AFF3: variants seen among roughly 807,000 people sequenced by gnomAD.
AFF3 encodes the protein ALF transcription elongation factor 3.
A neutral mutation model predicts 129.7 loss-of-function variants in AFF3; 32 were observed. The observed-to-expected ratio is 0.25, with a 90% CI of 0.19 to 0.33. AFF3 has a LOEUF of 0.33. AFF3 is among the 10% of genes least tolerant of loss of function. The pLI, the probability that AFF3 is intolerant of heterozygous loss-of-function variation, is 1.00. For synonymous variants in AFF3, 644 were observed against 635.4 expected (o/e 1.01, Z -0.20); for missense variants, 1,373 against 1,592.0 (o/e 0.86, Z 2.34).
At chr2:99,868,017 CTT>C (rs397779127) in intron 7 of AFF3, among the ~76,000 whole-genome samples, 12 of 144,036 alleles carry the variant, frequency 8.3e-5, no homozygotes, top group South Asian at 2.2e-4. Context: ...TCTTTCTTTC[CTT>C]TTTTTTTTTT....
intron 22 of AFF3, among the ~76,000 whole-genome samples, chr2:99,556,585 G>A (rs535860805): frequency 6.6e-6 from 1 of 152,088 alleles, no homozygotes; most frequent in East Asian, 1.9e-4. Context: ...AATTGTCTTG[G>A]GTACCTAAAG....
intron 4 of AFF3, among the ~76,000 whole-genome samples, chr2:100,071,945 A>T (rs1418452959): frequency 1.3e-5 from 2 of 152,178 alleles, no homozygotes; most frequent in Admixed American, 1.3e-4. Flanking sequence ...AGCATTTATC[A>T]TGTATTTTTA....
At chr2:99,907,947 G>C (rs1694834644) in intron 7 of AFF3, among the ~76,000 whole-genome samples, 1 of 152,082 alleles carries the variant, frequency 6.6e-6, no homozygotes, top group South Asian at 2.1e-4. Flanking sequence ...GTCTTGATTC[G>C]AGTGAATGAG....
chr2:100,053,281 G>C (rs1008067891), intron 4 of AFF3, among the ~76,000 whole-genome samples: 1 of 152,236 alleles, frequency 6.6e-6, no homozygotes, highest in African/African-American at 2.4e-5. Context: ...TCTGCTGTTT[G>C]ACAGTACCCG....
chr2:99,795,174 A>AAC (rs1044444605), intron 8 of AFF3, among the ~76,000 whole-genome samples: 26 of 151,644 alleles, frequency 1.7e-4, no homozygotes, highest in Admixed American at 6.6e-4. Context: ...TGTGCATATA[A>AAC]ACACACACAC....
chr2:99,707,164 A>T, intron 11 of AFF3: 1 of 985,450 alleles, frequency 1.0e-6, no homozygotes, highest in Non-Finnish European at 1.2e-6. Context: ...ACTTGCCTGT[A>T]ACAACATCCT....
At chr2:99,880,382 G>A (rs1054037916) in intron 7 of AFF3, among the ~76,000 whole-genome samples, 33 of 152,110 alleles carry the variant, frequency 2.2e-4, no homozygotes, top group African/African-American at 5.1e-4. Context: ...CTGATTCAGC[G>A]GCAGAGCTGT....
At chr2:99,621,198 G>C (rs1575527463) in intron 13 of AFF3, among the ~76,000 whole-genome samples, 1 of 152,208 alleles carries the variant, frequency 6.6e-6, no homozygotes, top group African/African-American at 2.4e-5. Context: ...GAAAAGACCA[G>C]AGAACCCTGG....
intron 7 of AFF3, among the ~76,000 whole-genome samples, chr2:99,949,819 G>A (rs572014665): frequency 5.3e-5 from 8 of 152,138 alleles, no homozygotes; most frequent in Admixed American, 1.3e-4. Flanking sequence ...GACCAGTAGC[G>A]GTCCGTGGCC....
rs769060903 is a variant in AFF3, at chr2:99,744,119, C to T, written c.1024G>A (p.Gly342Arg). Residue 342 changes from glycine to arginine, a missense_variant, in exon 10 of 25, where the codon GGA (glycine) becomes AGA (arginine). By Grantham distance (125) the Gly-to-Arg change is moderately radical. Around this residue, in one of 9 missense-constraint regions of AFF3, gnomAD observed 413 missense variants for 424.4 expected, o/e 0.97. Coordinates refer to ENST00000672756, the MANE Select transcript of AFF3 (RefSeq NM_001386135.1). Reference protein sequence around the residue: ...PNKDSQLVSSGHNNPKKGDAE... With the variant: ...PNKDSQLVSSRHNNPKKGDAE... ...TCTTTCTTACTTGGATTATTGTGTC[C>T]AGAGGATACAAGCTGAGAGTCCTGA... 6 of 1,607,554 alleles carry T rather than the reference C, an allele frequency of 3.7e-6. No individual in the cohort carries two copies. In the African/African-American group the frequency reaches 8.1e-5, roughly 22 times the overall value.
intron 8 of AFF3, among the ~76,000 whole-genome samples, chr2:99,773,320 C>A (rs1053848743): frequency 4.6e-5 from 7 of 152,188 alleles, no homozygotes; most frequent in Non-Finnish European, 1.0e-4. Flanking sequence ...ACAAAATGAG[C>A]AAATGGTTAC....
At chr2:99,746,254 T>C (rs114065019) in intron 9 of AFF3, among the ~76,000 whole-genome samples, 101 of 152,180 alleles carry the variant, frequency 6.6e-4, no homozygotes, top group African/African-American at 1.9e-3. Flanking sequence ...CAAAAATCCA[T>C]TGAAATTGAA....
intron 3 of AFF3, chr2:100,104,826 GTGCTCTGCGCC>G (rs1691137021): frequency 1.3e-5 from 8 of 626,828 alleles, no homozygotes; most frequent in Non-Finnish European, 1.4e-5. Context: ...CGCCGCCGCG[GTGCTCTGCGCC>G]CGCCCGCCCG....
rs561356286 is a variant in AFF3 at position 99,767,565 on chromosome 2, A to G, written c.922-15264T>C. On this transcript the variant is annotated intron_variant, in intron 8 of 24. Transcript: ENST00000672756. ...CATGTATATGACACTATGTAACATCACACGTTGTAACCCAAAGCAGCATAA... is the reference window on the plus strand; with the variant it reads ...CATGTATATGACACTATGTAACATCGCACGTTGTAACCCAAAGCAGCATAA... 6.6e-4 allele frequency among the ~76,000 whole-genome samples: 100 copies of G among 152,344 alleles called. No homozygotes were observed. The South Asian group carries it at 0.02, about 31-fold the overall frequency.
rs369793372 is a variant in AFF3 at position 99,580,622 on chromosome 2, C to T, written c.2794-2171G>A. On this transcript the variant is annotated intron_variant, in intron 17 of 24. Coordinates refer to ENST00000672756, the MANE Select transcript of AFF3 (RefSeq NM_001386135.1). ...AAACCTGCTTCGCAGAGGCCGGGCG[C>T]GGTGGCTCATGCCTGTAATCCCAGC... is the stretch of plus-strand genomic sequence containing the variant. Among the ~76,000 whole-genome samples, 444 of 152,246 alleles carry T rather than the reference C, an allele frequency of 2.9e-3. 7 individuals are homozygous for T. The South Asian group carries it at 0.05, about 17-fold the overall frequency.
rs1024708232 is a variant in AFF3 at position 99,899,885 on chromosome 2, G to A, written c.874-62361C>T. 3.3e-5 allele frequency among the ~76,000 whole-genome samples: 5 copies of A among 152,228 alleles called. 1 individual carries two copies. The East Asian group carries it at 9.6e-4, about 29-fold the overall frequency. ...GTAGACACATGTCTTTGGATATTTT[G>A]AAGGCACGTCTGGAAATGGCAGAAC... is the stretch of plus-strand genomic sequence containing the variant. On this transcript the variant is annotated intron_variant, in intron 7 of 24. Transcript: ENST00000672756.
intron 2 of AFF3, among the ~76,000 whole-genome samples, chr2:100,125,562 T>A (rs1033640158): frequency 1.3e-5 from 2 of 151,652 alleles, no homozygotes; most frequent in Non-Finnish European, 2.9e-5. Context: ...GTACTGGAGG[T>A]GAAGAGAAGG....
At chr2:99,562,054 G>A (rs1335801319) in intron 20 of AFF3, among the ~76,000 whole-genome samples, 1 of 152,178 alleles carries the variant, frequency 6.6e-6, no homozygotes, top group African/African-American at 2.4e-5. Flanking sequence ...ATTCTCCCCT[G>A]CAGATAATTA....
rs769278350 is a variant in AFF3 at position 99,548,516 on chromosome 2, C to A, written c.*2958G>T. 3.1e-5 allele frequency: 6 copies of A among 196,580 alleles called. No individual in the cohort carries two copies. The highest frequency in any genetic ancestry group is 3.8e-4 in the South Asian group (2 of 5,202). 12.2% of individuals were successfully genotyped at this position (196,580 alleles called of 1,614,324 possible). Reference sequence around the variant, plus strand: ...CTTTGGGAGGCCGAGGCCAAAGGATCGCTTGAGCCCAGGAGTTTGAGACCA... The same window carrying A: ...CTTTGGGAGGCCGAGGCCAAAGGATAGCTTGAGCCCAGGAGTTTGAGACCA... On this transcript the variant is annotated 3_prime_UTR_variant, in exon 25 of 25. Coordinates refer to ENST00000672756, the MANE Select transcript of AFF3 (RefSeq NM_001386135.1).
Sources: allele counts gnomAD v4.1 joint callset (sites outside exome capture counted in the v4.1 genomes callset), GRCh38; gene constraint gnomAD v4.1.1; regional missense constraint gnomAD v4.1.1; transcripts MANE v1.5; gene names NCBI Gene and HGNC (gene_info 2026-07-23, HGNC 2026-07-21).